ZFAND6: variants seen among roughly 807,000 people sequenced by gnomAD.
ZFAND6 encodes the protein AN1-type zinc finger protein 6.
Under a neutral mutation model 24.5 loss-of-function variants are expected in ZFAND6, and 12 were observed. The ratio of observed to expected loss-of-function variants is 0.49; its 90% CI spans 0.31 to 0.79. ZFAND6 has a LOEUF of 0.79. Among genes scored for constraint, ZFAND6 ranks in the 30% least tolerant of loss-of-function variants. The pLI is 0.04. For missense variants in ZFAND6, 207 were observed against 245.9 expected, an observed-to-expected ratio of 0.84 and a Z score of 1.06; for synonymous variants, 92 against 81.5, an observed-to-expected ratio of 1.13 and a Z score of -0.69.
At position 80,106,684 on chromosome 15, in the gene ZFAND6, A is replaced by G. The variant is rs1200736761; in HGVS notation, c.-18+8106A>G. ...TTAATTCATGTTGAAGGACAGTGTT[A>G]TTACAAGTAAGTTGTTTTCCTCTGA... On this transcript the variant is annotated intron_variant, in intron 2 of 6. Transcript: ENST00000261749. 1.3e-4 allele frequency among the ~76,000 whole-genome samples: 19 copies of G among 148,380 alleles called. No homozygotes were observed. In the Admixed American group the frequency reaches 1.3e-3, roughly 10 times the overall value.
intron 1 of ZFAND6, among the ~76,000 whole-genome samples, chr15:80,069,669 A>G (rs2036862253): frequency 1.3e-5 from 2 of 151,974 alleles, no homozygotes; most frequent in Non-Finnish European, 2.9e-5. Flanking sequence ...GTCTTACTCT[A>G]TAGCCCAGGC....
intron 1 of ZFAND6, among the ~76,000 whole-genome samples, chr15:80,077,619 G>C (rs1220326825): frequency 2.0e-5 from 3 of 151,548 alleles, no homozygotes; most frequent in African/African-American, 4.8e-5. Flanking sequence ...ATTAACTATA[G>C]TTGGGAATTA....
In ZFAND6 at chr15:80,137,638, G is replaced by A. The variant is rs2142076171; in HGVS notation, c.*10G>A. ...GATCCAAAAGATTTGAACTCCTGCT[G>A]GAATACAAAATTCTTGAGCATCTGC... On this transcript the variant is annotated 3_prime_UTR_variant, in exon 7 of 7. Transcript: ENST00000261749. The A allele has an allele frequency of 6.4e-7, 1 of 1,562,616 alleles. No individual in the cohort carries two copies. The highest frequency in any genetic ancestry group is 1.2e-5 in the South Asian group (1 of 82,314).
chr15:80,069,740 C>T (rs2036868063), intron 1 of ZFAND6, among the ~76,000 whole-genome samples: 1 of 152,088 alleles, frequency 6.6e-6, no homozygotes, highest in African/African-American at 2.4e-5. Flanking sequence ...TCCCAAGTAG[C>T]TGGGATTACA....
At position 80,088,747 on chromosome 15, in the gene ZFAND6, T is replaced by TA. The variant is rs1316153055; in HGVS notation, c.-180-9668dup. 1.2e-4 allele frequency among the ~76,000 whole-genome samples: 18 copies of TA among 152,358 alleles called. No homozygotes were observed. The South Asian group carries it at 1.9e-3, about 16-fold the overall frequency. ...TTCTTTCTGGATAAGAAAATTCTGT[T>TA]ACGTGTGCTGTAGATCATTGCTGTC... is the stretch of plus-strand genomic sequence containing the variant. On this transcript the variant is annotated intron_variant, in intron 1 of 6. Transcript: ENST00000261749.
chr15:80,127,291 A>G (rs1003273623), intron 5 of ZFAND6, among the ~76,000 whole-genome samples: 1 of 152,050 alleles, frequency 6.6e-6, no homozygotes, highest in Non-Finnish European at 1.5e-5. Flanking sequence ...AAACACATGA[A>G]AAGATGCTCA....
intron 2 of ZFAND6, among the ~76,000 whole-genome samples, chr15:80,108,373 G>T (rs974430484): frequency 6.6e-6 from 1 of 152,132 alleles, no homozygotes; most frequent in Non-Finnish European, 1.5e-5. Flanking sequence ...AGCTTTAAGG[G>T]CAAAGAGGGA....
chr15:80,104,842 T>A (rs1021079799), intron 2 of ZFAND6, among the ~76,000 whole-genome samples: 1 of 152,210 alleles, frequency 6.6e-6, no homozygotes, highest in East Asian at 1.9e-4. Flanking sequence ...TTTAACCATT[T>A]TTACTTGGAT....
intron 1 of ZFAND6, among the ~76,000 whole-genome samples, chr15:80,063,401 A>G (rs1285856541): frequency 6.6e-6 from 1 of 150,732 alleles, no homozygotes. Flanking sequence ...CTTTTTTTGT[A>G]TTTTTTTTGA....
intron 1 of ZFAND6, among the ~76,000 whole-genome samples, chr15:80,089,605 A>G (rs764455078): frequency 3.3e-5 from 5 of 152,124 alleles, no homozygotes; most frequent in Non-Finnish European, 5.9e-5. Flanking sequence ...TTGAATTGAA[A>G]TGAATATGTA....
In ZFAND6 at chr15:80,137,880, G is replaced by A. The variant is rs2040932585; in HGVS notation, c.*252G>A. ...TTTTAATTTTAGTTGAGTGCAGAGGGCTTTTATAACAAACGTGCAGAAATT... is the reference window on the plus strand; with the variant it reads ...TTTTAATTTTAGTTGAGTGCAGAGGACTTTTATAACAAACGTGCAGAAATT... On this transcript the variant is annotated 3_prime_UTR_variant, in exon 7 of 7. Transcript: ENST00000261749. 3 of 291,816 alleles carry A rather than the reference G, an allele frequency of 1.0e-5. No homozygotes were observed. The East Asian group carries it at 2.3e-4, about 22-fold the overall frequency. The allele number at this position is 291,816 out of a possible 1,614,324, so 18.1% of individuals were successfully genotyped here.
At chr15:80,088,677 A>G (rs1012461891) in intron 1 of ZFAND6, among the ~76,000 whole-genome samples, 2 of 152,228 alleles carry the variant, frequency 1.3e-5, no homozygotes, top group Admixed American at 6.5e-5. Context: ...TTAATTTACA[A>G]ATACCTGTAT....
chr15:80,077,132 C>G (rs1233144907), intron 1 of ZFAND6, among the ~76,000 whole-genome samples: 2 of 152,186 alleles, frequency 1.3e-5, no homozygotes, highest in Non-Finnish European at 2.9e-5. Context: ...AGTGCAAAAG[C>G]ACTTTAAGCT....
At chr15:80,112,830 A>G (rs1286003619) in intron 2 of ZFAND6, 1 of 456,106 alleles carries the variant, frequency 2.2e-6, no homozygotes, top group Non-Finnish European at 4.4e-6. Flanking sequence ...GGAAACACTA[A>G]TCTCAAGCAC....
chr15:80,126,991 C>G lies in ZFAND6; in HGVS notation c.365-4189C>G, dbSNP rs553687849. On this transcript the variant is annotated intron_variant, in intron 5 of 6. Transcript: ENST00000261749. Reference sequence around the variant, plus strand: ...TGGTGGCGCACGCTTGTAGTCCCAGCTACTGGGTAGGGAGGCTGAGGTGGG... The same window carrying G: ...TGGTGGCGCACGCTTGTAGTCCCAGGTACTGGGTAGGGAGGCTGAGGTGGG... Among the ~76,000 whole-genome samples, 3 of 152,106 alleles carry G rather than the reference C, an allele frequency of 2.0e-5. No individual in the cohort carries two copies. In the South Asian group the frequency reaches 6.2e-4, roughly 32 times the overall value.
At chr15:80,096,793 A>G (rs1275498094) in intron 1 of ZFAND6, among the ~76,000 whole-genome samples, 1 of 152,136 alleles carries the variant, frequency 6.6e-6, no homozygotes, top group Non-Finnish European at 1.5e-5. Context: ...GGTATAGCCC[A>G]GTGTACATAT....
intron 1 of ZFAND6, among the ~76,000 whole-genome samples, chr15:80,083,609 G>A (rs990643354): frequency 6.6e-6 from 1 of 152,130 alleles, no homozygotes; most frequent in African/African-American, 2.4e-5. Flanking sequence ...TCATGGAGAT[G>A]ATTAAGCATG....
At chr15:80,095,972 C>T (rs1468166304) in intron 1 of ZFAND6, among the ~76,000 whole-genome samples, 1 of 152,170 alleles carries the variant, frequency 6.6e-6, no homozygotes, top group Non-Finnish European at 1.5e-5. Context: ...GATACTAATT[C>T]CAGATACAGT....
chr15:80,093,037 C>T (rs924441822), intron 1 of ZFAND6, among the ~76,000 whole-genome samples: 1 of 151,680 alleles, frequency 6.6e-6, no homozygotes. Context: ...TCACTGCAAC[C>T]TCTGCCTCCT....
Sources: gnomAD v4.1 joint callset for allele counts (sites outside exome capture counted in the v4.1 genomes callset) on GRCh38, gnomAD v4.1.1 for gene constraint, MANE v1.5 for transcripts, NCBI Gene and HGNC (gene_info 2026-07-23, HGNC 2026-07-21) for gene names.